ASTN2: variants seen among roughly 807,000 people sequenced by gnomAD.
ASTN2 encodes astrotactin 2, also known as astrotactin-2.
A neutral mutation model predicts 139.8 loss-of-function variants in ASTN2; 54 were observed. That is an observed-to-expected ratio of 0.39 (90% CI 0.31 to 0.48). ASTN2 has a LOEUF of 0.48. ASTN2 is among the 20% of genes least tolerant of loss of function. ASTN2 has a pLI of 0.95. For synonymous variants in ASTN2, 756 were observed against 719.5 expected, an observed-to-expected ratio of 1.05 and a Z score of -0.81; for missense variants, 1,565 against 1,725.1, an observed-to-expected ratio of 0.91 and a Z score of 1.64.
At chr9:116,435,915 A>T (rs1046123237) in intron 22 of ASTN2, among the ~76,000 whole-genome samples, 1 of 152,054 alleles carries the variant, frequency 6.6e-6, no homozygotes, top group African/African-American at 2.4e-5. Flanking sequence ...CAGACTACTG[A>T]GTCAATTTGG....
chr9:117,258,865 A>C (rs1833754624), intron 2 of ASTN2, among the ~76,000 whole-genome samples: 1 of 152,170 alleles, frequency 6.6e-6, no homozygotes, highest in African/African-American at 2.4e-5. Context: ...CCAGAAAAAG[A>C]CACACCAAAG....
chr9:116,516,816 T>C (rs1354653528), intron 19 of ASTN2, among the ~76,000 whole-genome samples: 1 of 152,178 alleles, frequency 6.6e-6, no homozygotes, highest in African/African-American at 2.4e-5. Context: ...GTGGGCTGCA[T>C]GGGAGCAGAG....
At chr9:116,717,496 G>A (rs956406730) in intron 16 of ASTN2, among the ~76,000 whole-genome samples, 12 of 152,058 alleles carry the variant, frequency 7.9e-5, no homozygotes, top group South Asian at 4.2e-4. Context: ...GCAAGAAAAC[G>A]CTTCCCTAGA....
intron 13 of ASTN2, among the ~76,000 whole-genome samples, chr9:116,782,553 T>C (rs1224731227): frequency 6.6e-6 from 1 of 152,182 alleles, no homozygotes; most frequent in Admixed American, 6.5e-5. Flanking sequence ...TCTGGATGCT[T>C]AAGTCAAGTA....
chr9:117,163,054 T>C (rs996114171), intron 3 of ASTN2, among the ~76,000 whole-genome samples: 8 of 152,068 alleles, frequency 5.3e-5, no homozygotes, highest in African/African-American at 1.9e-4. Flanking sequence ...CAACCTTTCC[T>C]GCTCCTCATA....
At chr9:117,158,619 T>G (rs1830480420) in intron 3 of ASTN2, among the ~76,000 whole-genome samples, 1 of 151,894 alleles carries the variant, frequency 6.6e-6, no homozygotes. Context: ...TATCAGTGAG[T>G]GCATGGCAGA....
chr9:116,684,836 T>C (rs1860102234), intron 16 of ASTN2, among the ~76,000 whole-genome samples: 1 of 152,204 alleles, frequency 6.6e-6, no homozygotes, highest in Non-Finnish European at 1.5e-5. Flanking sequence ...AAAATTATGA[T>C]TGAGACAGTA....
chr9:116,944,770 C>A (rs1835341161), intron 10 of ASTN2, among the ~76,000 whole-genome samples: 1 of 149,968 alleles, frequency 6.7e-6, no homozygotes, highest in Admixed American at 6.6e-5. Flanking sequence ...TTTAATGTGG[C>A]TGAAATGCAA....
At chr9:117,269,634 C>T (rs961797726) in intron 2 of ASTN2, among the ~76,000 whole-genome samples, 3 of 152,164 alleles carry the variant, frequency 2.0e-5, no homozygotes, top group East Asian at 1.9e-4. Context: ...CTGGGACCTA[C>T]GAGAGCTGAG....
chr9:117,025,412 G>A (rs960502651), intron 6 of ASTN2, among the ~76,000 whole-genome samples: 2 of 152,150 alleles, frequency 1.3e-5, no homozygotes, highest in African/African-American at 4.8e-5. Flanking sequence ...TTTCAAGTGT[G>A]ACACCAGCTC....
At chr9:116,784,493 C>G (rs978207543) in intron 13 of ASTN2, among the ~76,000 whole-genome samples, 1 of 152,172 alleles carries the variant, frequency 6.6e-6, no homozygotes, top group African/African-American at 2.4e-5. Context: ...CCATCACACA[C>G]GCAATGTCCT....
intron 1 of ASTN2, among the ~76,000 whole-genome samples, chr9:117,306,874 T>C (rs10983614): frequency 0.31 from 46,413 of 152,044 alleles, 7,941 homozygotes; most frequent in East Asian, 0.45. Flanking sequence ...CTATCTACTA[T>C]GTGATGTGAA....
intron 5 of ASTN2, among the ~76,000 whole-genome samples, chr9:117,086,986 C>A (rs1488929281): frequency 1.3e-5 from 2 of 152,076 alleles, no homozygotes; most frequent in Non-Finnish European, 2.9e-5. Flanking sequence ...CTTGATCTGT[C>A]TTCAGTGTTT....
intron 10 of ASTN2, among the ~76,000 whole-genome samples, chr9:116,958,841 G>C (rs751449185): frequency 5.3e-5 from 8 of 152,096 alleles, no homozygotes; most frequent in South Asian, 4.1e-4. Context: ...CAAGCAGGGG[G>C]CATTCAGTGA....
At chr9:116,679,086 G>T (rs1030863775) in intron 16 of ASTN2, among the ~76,000 whole-genome samples, 5 of 152,130 alleles carry the variant, frequency 3.3e-5, no homozygotes, top group Admixed American at 2.6e-4. Context: ...TATTTGGAAA[G>T]CTAAGTCTCC....
In ASTN2 at chr9:116,699,129, G is replaced by A; in HGVS notation, c.2806+26642C>T. 2.5e-6 allele frequency: 4 copies of A among 1,614,200 alleles called. No homozygotes were observed. Among genetic ancestry groups the A allele is most frequent in the Non-Finnish European group, 3.4e-6 (4 of 1,180,024 alleles). ...ATATACCTTGGATGGCCACTGCGTG[G>A]CCTGTCACAGGAGCCAGCTGAGCAA... On this transcript the variant is annotated intron_variant, in intron 16 of 22. Transcript: ENST00000313400. This position sits in a 1 kb window ranked among gnomAD's most constrained non-coding sequence, Gnocchi z 4.2.
intron 1 of ASTN2, among the ~76,000 whole-genome samples, chr9:117,385,938 G>A (rs1410735765): frequency 6.6e-6 from 1 of 152,110 alleles, no homozygotes; most frequent in Non-Finnish European, 1.5e-5. Context: ...GGAAGCTTTG[G>A]GGCCAGCCCC....
At chr9:116,823,189 G>A (rs531021900) in intron 11 of ASTN2, among the ~76,000 whole-genome samples, 14 of 152,332 alleles carry the variant, frequency 9.2e-5, no homozygotes, top group African/African-American at 3.4e-4. Flanking sequence ...TGAGTGTGCA[G>A]CAATTTCTTG....
At chr9:117,129,396 C>G (rs560664295) in intron 4 of ASTN2, among the ~76,000 whole-genome samples, 4 of 152,090 alleles carry the variant, frequency 2.6e-5, no homozygotes, top group Non-Finnish European at 5.9e-5. Flanking sequence ...ACATCTAGCC[C>G]TAAATGTTGC....
Sources: allele counts gnomAD v4.1 joint callset (sites outside exome capture counted in the v4.1 genomes callset), GRCh38; gene constraint gnomAD v4.1.1; non-coding constraint Gnocchi (gnomAD v3.1); transcripts MANE v1.5; gene names NCBI Gene and HGNC (gene_info 2026-07-23, HGNC 2026-07-21).